The following PGD variants were observed in gnomAD, a reference collection of about 807,000 sequenced individuals.
The protein encoded by PGD is 6-phosphogluconate dehydrogenase, decarboxylating.
In PGD, 21 loss-of-function variants were observed where a neutral mutation model predicts 60.4. That is an observed-to-expected ratio of 0.35 (90% confidence interval 0.25 to 0.50). PGD has a LOEUF of 0.50. Among genes scored for constraint, PGD ranks in the 20% least tolerant of loss-of-function variants. The probability of loss-of-function intolerance (pLI) is 0.98; values close to 1 mark genes in which losing one functional copy is unlikely to be tolerated. For missense variants in PGD, 477 were observed against 613.1 expected (o/e 0.78, Z 2.34); for synonymous variants, 230 against 235.9 (o/e 0.97, Z 0.23).
chr1:10,402,602 A>C (rs1639334327), intron 3 of PGD, among the ~76,000 whole-genome samples: 1 of 151,138 alleles, frequency 6.6e-6, no homozygotes, highest in Non-Finnish European at 1.5e-5. Context: ...AGCTCACTGC[A>C]AGCTCCACCT....
At chr1:10,416,623 G>T (rs1486691689) in intron 8 of PGD, among the ~76,000 whole-genome samples, 1 of 152,176 alleles carries the variant, frequency 6.6e-6, no homozygotes, top group African/African-American at 2.4e-5. Flanking sequence ...AAGAGTCAGC[G>T]AAGGGAGATA....
Position 10,419,863 on chromosome 1 carries a change from G to T in PGD, c.*114G>T, listed in dbSNP as rs1639662351. The T allele has an allele frequency of 5.6e-6, 7 of 1,243,784 alleles. No individual in the cohort carries two copies. The highest frequency in any genetic ancestry group is 3.9e-5 in the Admixed American group (2 of 51,656). The allele number at this position is 1,243,784 out of a possible 1,614,324, so 77.0% of individuals were successfully genotyped here. A position where few individuals can be genotyped will look rare whatever the true frequency, so the allele number is the denominator to read the frequency against. On this transcript the variant is annotated 3_prime_UTR_variant, in exon 13 of 13. Transcript: ENST00000270776. ...TTCTGTTCAGTTTTTTAAAAGTGTT[G>T]TAAGAGACTCCTGAGGAAGACACAC... is the stretch of plus-strand genomic sequence containing the variant.
intron 3 of PGD, among the ~76,000 whole-genome samples, chr1:10,401,573 A>T (rs1249007966): frequency 6.6e-6 from 1 of 152,348 alleles, no homozygotes; most frequent in South Asian, 2.1e-4. Flanking sequence ...CACTGAGTTT[A>T]AAAAAAGGAC....
At chr1:10,403,192 T>C in intron 4 of PGD, 56 bp downstream of exon 4, 3 of 1,247,648 alleles carry the variant, frequency 2.4e-6, no homozygotes, top group South Asian at 2.4e-5. Flanking sequence ...TAGAAAAAAG[T>C]GTCAGCATCG....
intron 5 of PGD, 67 bp from the exon 6 acceptor site, chr1:10,408,004 T>C: frequency 3.4e-6 from 3 of 892,038 alleles, no homozygotes; most frequent in South Asian, 1.3e-5. Context: ...GGTATGTTGG[T>C]GTCTATGGGT....
At chr1:10,399,393 C>A in intron 1 of PGD, 1 of 490,386 alleles carries the variant, frequency 2.0e-6, no homozygotes, top group Non-Finnish European at 3.5e-6. Context: ...CTCGCCGAGT[C>A]TGCAGGGACA....
At chr1:10,418,364 C>T (rs141529755) in intron 10 of PGD, among the ~76,000 whole-genome samples, 32 of 152,244 alleles carry the variant, frequency 2.1e-4, no homozygotes, top group African/African-American at 6.7e-4. Flanking sequence ...GCGCTGGCAG[C>T]GAGCTGCACT....
At chr1:10,399,488 C>G in intron 1 of PGD, 141 bp from the exon 2 acceptor site, 1 of 764,400 alleles carries the variant, frequency 1.3e-6, no homozygotes, top group Admixed American at 2.4e-5. Context: ...AGCGTGCGCG[C>G]CCGGCTTCTG....
At position 10,417,178 on chromosome 1, in the gene PGD, G is replaced by A. The variant is rs1244952965; in HGVS notation, c.975+61G>A. ...CCTGCGGAAGGCAGTGGGGGTGGGG[G>A]TTGTGGTGGGAGAACACTCGAGGCC... On this transcript the variant is annotated intron_variant, in intron 9 of 12. Transcript: ENST00000270776. The A allele has an allele frequency of 6.3e-6, 10 of 1,590,404 alleles. No homozygotes were observed. The South Asian group carries it at 8.9e-5, about 14-fold the overall frequency.
In PGD at chr1:10,417,787, G is replaced by T. The variant is rs557725765; in HGVS notation, c.1109+278G>T. The stretch of plus-strand genomic sequence containing the variant: ...TGCCATGATGCGATCTTGACTCACT[G>T]CAACCTCTGCCTCCCGGGTTCAAGT... On this transcript the variant is annotated intron_variant, in intron 10 of 12. Transcript: ENST00000270776. Among the ~76,000 whole-genome samples, 79 of 152,114 alleles carry T rather than the reference G, an allele frequency of 5.2e-4. 1 individual carries two copies. The highest frequency in any genetic ancestry group is 1.7e-3 in the African/African-American group (70 of 41,484).
chr1:10,419,378 G>A (rs754818297), intron 11 of PGD, 39 bp from the exon 12 acceptor site: 3 of 1,598,486 alleles, frequency 1.9e-6, no homozygotes, highest in African/African-American at 2.7e-5. Flanking sequence ...CGTCACCAGG[G>A]GCAGATCACT....
chr1:10,410,873 A>G (rs1413679426), intron 6 of PGD, among the ~76,000 whole-genome samples: 1 of 151,696 alleles, frequency 6.6e-6, no homozygotes, highest in Non-Finnish European at 1.5e-5. Context: ...TATAAATATA[A>G]TGATGGGGCC....
chr1:10,401,173 T>C (rs2102384759), intron 3 of PGD, among the ~76,000 whole-genome samples: 1 of 152,300 alleles, frequency 6.6e-6, no homozygotes, highest in Admixed American at 6.5e-5. Flanking sequence ...CCACTCCAGT[T>C]TGGCGACAGA....
intron 7 of PGD, 62 bp from the exon 8 acceptor site, chr1:10,413,000 A>G (rs1466543080): frequency 7.0e-7 from 1 of 1,425,416 alleles, no homozygotes; most frequent in Non-Finnish European, 9.8e-7. Context: ...ACATTGGACA[A>G]GGGGCTTCCT....
intron 10 of PGD, among the ~76,000 whole-genome samples, chr1:10,418,116 GC>G (rs1639627443): frequency 6.6e-6 from 1 of 152,174 alleles, no homozygotes; most frequent in African/African-American, 2.4e-5. Context: ...CATTGAAAAT[GC>G]CAAATCATAG....
rs140991952 is a variant in PGD at position 10,411,988 on chromosome 1, A to G, written c.654+436A>G. Among the ~76,000 whole-genome samples, 97 of 152,324 alleles carry G rather than the reference A, an allele frequency of 6.4e-4. 2 individuals carry two copies. Among genetic ancestry groups the G allele is most frequent in the African/African-American group, 9.4e-4 (39 of 41,582 alleles). On this transcript the variant is annotated intron_variant, in intron 7 of 12. Coordinates refer to ENST00000270776, the MANE Select transcript of PGD (RefSeq NM_002631.4). Reference sequence around the variant, plus strand: ...TTATGACAATATTCAACCATGCAGCACAGAAGTTTGAGAGTTTTACAGTGA... The same window carrying G: ...TTATGACAATATTCAACCATGCAGCGCAGAAGTTTGAGAGTTTTACAGTGA...
At position 10,399,908 on chromosome 1, in the gene PGD, G is replaced by GT. The variant is rs569900306; in HGVS notation, c.84+205dup. 5.1e-4 allele frequency: 307 copies of GT among 601,354 alleles called. No individual in the cohort carries two copies. The African/African-American group carries it at 5.3e-3, about 10-fold the overall frequency. 37.3% of individuals were successfully genotyped at this position (601,354 alleles called of 1,614,324 possible). ...GAACTTAGTCCTGCGGAGTGTGCCT[G>GT]TGGGTCCGTGAGGTTCACAGCCCGA... is the stretch of plus-strand genomic sequence containing the variant. On this transcript the variant is annotated intron_variant, in intron 2 of 12. Transcript: ENST00000270776.
intron 3 of PGD, 87 bp downstream of exon 3, chr1:10,400,659 A>ATT (rs35314429): frequency 5.8e-3 from 4,768 of 819,064 alleles, no homozygotes; most frequent in South Asian, 6.8e-3. Context: ...AACTCTAGAG[A>ATT]TTTTTTTTTT....
In PGD at chr1:10,417,511, T is replaced by C. The variant is rs1569993819; in HGVS notation, c.1109+2T>C. 6.2e-7 allele frequency: 1 copy of C among 1,607,276 alleles called. No homozygotes were observed. Among genetic ancestry groups the C allele is most frequent in the South Asian group, 1.1e-5 (1 of 90,254 alleles). On this transcript the variant is annotated splice_donor_variant, in intron 10 of 12. Coordinates refer to ENST00000270776, the MANE Select transcript of PGD (RefSeq NM_002631.4). LOFTEE classifies it high-confidence loss of function. ...GAGAGGGGGCTGCATCATTAGAAGG[T>C]AAGTGAGAGGCAGCCCAGGGTCCGA...
Sources: allele counts gnomAD v4.1 joint callset (sites outside exome capture counted in the v4.1 genomes callset), GRCh38; gene constraint gnomAD v4.1.1; transcripts MANE v1.5; gene names NCBI Gene and HGNC (gene_info 2026-07-23, HGNC 2026-07-21).